FRK: variants seen among roughly 807,000 people sequenced by gnomAD.
FRK encodes the protein fyn related Src family tyrosine kinase.
In FRK, 51 loss-of-function variants were observed where a neutral mutation model predicts 56.4. The observed-to-expected ratio is 0.90, with a 90% CI of 0.72 to 1.14. The LOEUF (loss-of-function observed/expected upper bound fraction) is 1.14. Ranked by LOEUF, FRK falls within the 50% of genes most tolerant of loss-of-function variation. The pLI is 0.00. For synonymous variants in FRK, 245 were observed against 217.9 expected, an observed-to-expected ratio of 1.12 and a Z score of -1.10; for missense variants, 570 against 601.4, an observed-to-expected ratio of 0.95 and a Z score of 0.55.
chr6:115,983,066 T>G, intron 2 of FRK, among the ~76,000 whole-genome samples: 1 of 113,294 alleles, frequency 8.8e-6, no homozygotes, highest in African/African-American at 2.7e-5. Flanking sequence ...AGTGAGACTC[T>G]ATCTCAAAAA....
intron 5 of FRK, among the ~76,000 whole-genome samples, chr6:115,953,716 G>A (rs928088540): frequency 4.6e-5 from 7 of 152,180 alleles, no homozygotes; most frequent in African/African-American, 1.7e-4. Context: ...TGTTAGCCAT[G>A]TACCAAGTTG....
chr6:116,066,575 G>A, the FRK span, among the ~76,000 whole-genome samples: 10 of 151,998 alleles, frequency 6.6e-5, no homozygotes, highest in Non-Finnish European at 1.3e-4. Flanking sequence ...TTTTTCAATA[G>A]CTTCCCATTG....
chr6:116,071,941 T>C, the FRK span, among the ~76,000 whole-genome samples: 28 of 152,178 alleles, frequency 1.8e-4, no homozygotes, highest in African/African-American at 6.3e-4. Flanking sequence ...ACTACCATAG[T>C]AGTTTTCTTC....
intron 1 of FRK, among the ~76,000 whole-genome samples, chr6:116,027,973 A>G (rs1776157354): frequency 6.6e-6 from 1 of 152,066 alleles, no homozygotes; most frequent in Admixed American, 6.6e-5. Context: ...AAGAAAACTG[A>G]GTCATTAAAA....
intron 2 of FRK, among the ~76,000 whole-genome samples, chr6:115,979,443 CAA>C (rs916619635): frequency 3.9e-5 from 6 of 151,930 alleles, no homozygotes; most frequent in Non-Finnish European, 8.8e-5. Context: ...ACTGTTATTA[CAA>C]AAGAGTCAAA....
intron 5 of FRK, among the ~76,000 whole-genome samples, chr6:115,956,148 A>G (rs1357287297): frequency 2.0e-5 from 3 of 152,236 alleles, no homozygotes. Flanking sequence ...TGTAGGAAAT[A>G]AAGCATCATG....
intron 1 of FRK, among the ~76,000 whole-genome samples, chr6:116,047,658 C>A (rs1777024911): frequency 1.4e-5 from 1 of 72,110 alleles, no homozygotes; most frequent in Non-Finnish European, 3.1e-5. Context: ...CTGAAGGTTA[C>A]CACTTTGGGA....
At chr6:115,958,712 A>AAAGAAAGAAAGAAAGAAGG (rs1773163751) in intron 4 of FRK, among the ~76,000 whole-genome samples, 1 of 16,500 alleles carries the variant, frequency 6.1e-5, no homozygotes, top group African/African-American at 2.5e-4. Flanking sequence ...AAGAAGAAAG[A>AAAGAAAGAAAGAAAGAAGG]AAGAAAGAAA....
the FRK span, among the ~76,000 whole-genome samples, chr6:116,073,494 C>T: frequency 6.6e-6 from 1 of 152,068 alleles, no homozygotes; most frequent in African/African-American, 2.4e-5. Flanking sequence ...ATGTATTGAA[C>T]TTAACAGCAA....
At chr6:115,973,675 G>C (rs554450228) in intron 2 of FRK, among the ~76,000 whole-genome samples, 5 of 152,236 alleles carry the variant, frequency 3.3e-5, no homozygotes, top group African/African-American at 4.8e-5. Context: ...TTCAAGACCA[G>C]CCTGGCCAAT....
At chr6:116,079,622 G>A in the FRK span, among the ~76,000 whole-genome samples, 12 of 151,860 alleles carry the variant, frequency 7.9e-5, no homozygotes, top group African/African-American at 2.9e-4. Flanking sequence ...ACAGAATCTT[G>A]CTCTGTCACC....
intron 1 of FRK, among the ~76,000 whole-genome samples, chr6:116,041,483 C>T (rs373239710): frequency 4.5e-4 from 68 of 151,624 alleles, no homozygotes; most frequent in African/African-American, 1.5e-3. Flanking sequence ...GGAACAGCTC[C>T]GGTCTGCAGC....
At chr6:116,002,785 C>T (rs1775112044) in intron 2 of FRK, 1 of 442,626 alleles carries the variant, frequency 2.3e-6, no homozygotes. Flanking sequence ...AGTACGGACC[C>T]TCGGCAACAC....
intron 2 of FRK, chr6:116,002,862 C>T (rs1001856937): frequency 6.9e-5 from 24 of 346,830 alleles, no homozygotes; most frequent in Non-Finnish European, 1.3e-4. Flanking sequence ...TTTGGGACTA[C>T]CAGGTGTGGA....
At chr6:116,084,877 AT>A in the FRK span, among the ~76,000 whole-genome samples, 195 of 152,360 alleles carry the variant, frequency 1.3e-3, no homozygotes, top group Non-Finnish European at 1.6e-3. Context: ...ATGAATATTC[AT>A]AGCTTTGCAA....
At chr6:116,093,540 C>T in the FRK span, among the ~76,000 whole-genome samples, 1 of 152,190 alleles carries the variant, frequency 6.6e-6, no homozygotes, top group Non-Finnish European at 1.5e-5. Context: ...TACCTGGTAT[C>T]TTAGTCAAGT....
At chr6:116,061,834 C>A (rs2095795), upstream of FRK, among the ~76,000 whole-genome samples, 1 of 151,672 alleles carries the variant, frequency 6.6e-6, no homozygotes, top group Non-Finnish European at 1.5e-5. Flanking sequence ...GTTGTGAGAC[C>A]CTTGAACCTG....
intron 2 of FRK, among the ~76,000 whole-genome samples, chr6:115,977,231 C>A (rs1774022398): frequency 6.6e-6 from 1 of 152,174 alleles, no homozygotes; most frequent in African/African-American, 2.4e-5. Context: ...ACTGAATTCT[C>A]TTCTACAGCA....
At chr6:116,058,934 A>G (rs1418941955) in intron 1 of FRK, among the ~76,000 whole-genome samples, 1 of 143,948 alleles carries the variant, frequency 6.9e-6, no homozygotes, top group Non-Finnish European at 1.5e-5. Flanking sequence ...AAAAAAAATG[A>G]GTACATTTTT....
Sources: gnomAD v4.1 joint callset for allele counts (sites outside exome capture counted in the v4.1 genomes callset) on GRCh38, gnomAD v4.1.1 for gene constraint, MANE v1.5 for transcripts, NCBI Gene and HGNC (gene_info 2026-07-23, HGNC 2026-07-21) for gene names.